The following TRAF5 variants were observed in gnomAD, a reference collection of about 807,000 sequenced individuals.
TRAF5 encodes TNF receptor associated factor 5.
A neutral mutation model predicts 64.5 loss-of-function variants in TRAF5; 48 were observed. The ratio of observed to expected loss-of-function variants is 0.74; its 90% confidence interval spans 0.59 to 0.95. TRAF5 has a LOEUF of 0.95. Among genes scored for constraint, TRAF5 ranks in the 40% least tolerant of loss-of-function variants. The pLI, the probability that TRAF5 is intolerant of heterozygous loss-of-function variation, is 0.00. For missense variants in TRAF5, 545 were observed against 662.8 expected, an observed-to-expected ratio of 0.82 and a Z score of 1.95; for synonymous variants, 206 against 240.5, an observed-to-expected ratio of 0.86 and a Z score of 1.33.
rs141195306 is a variant in TRAF5 at position 211,340,816 on chromosome 1, G to A, written c.-1-12423G>A. Among the ~76,000 whole-genome samples, 580 of 152,346 alleles carry A rather than the reference G, an allele frequency of 3.8e-3. 7 individuals are homozygous for A. Among genetic ancestry groups the A allele is most frequent in the African/African-American group, 0.013 (546 of 41,580 alleles). ...TGTTTCTCTGTTGGATTACCAATAA[G>A]TAGCGTGGGCTCCCAGAGCTGGCGG... On this transcript the variant is annotated intron_variant, in intron 1 of 10. Transcript: ENST00000261464.
rs1303430313 is a variant in TRAF5 at position 211,355,465 on chromosome 1, T to C, written c.277-902T>C. Among the ~76,000 whole-genome samples the C allele has an allele frequency of 2.0e-5, 3 of 152,174 alleles. No homozygotes were observed. The East Asian group carries it at 5.8e-4, about 29-fold the overall frequency. On this transcript the variant is annotated intron_variant, in intron 3 of 10. Transcript: ENST00000261464. ...CCTCTTTAAGTTCAGTTTTCTTCCT[T>C]TAAGATTCTGTTGCAGGATGTTCAA...
chr1:211,335,016 C>T (rs1297339843), intron 1 of TRAF5, among the ~76,000 whole-genome samples: 1 of 152,190 alleles, frequency 6.6e-6, no homozygotes, highest in Non-Finnish European at 1.5e-5. Context: ...CCATTTTCCT[C>T]ATTGGGAAAA....
Position 211,369,394 on chromosome 1 carries a change from A to C in TRAF5, c.790-58A>C, listed in dbSNP as rs1289835527. ...TAGCTGCAAGTGCATGCATATTTTA[A>C]CTATATGCATGCAGTTATATTCAGT... On this transcript the variant is annotated intron_variant, in intron 8 of 10. Transcript: ENST00000261464. 6 of 1,402,896 alleles carry C rather than the reference A, an allele frequency of 4.3e-6. No homozygotes were observed. The African/African-American group carries it at 5.9e-5, about 14-fold the overall frequency. 86.9% of individuals were successfully genotyped at this position (1,402,896 alleles called of 1,614,324 possible).
intron 1 of TRAF5, chr1:211,346,345 C>T (rs755286735): frequency 6.7e-5 from 66 of 985,276 alleles, no homozygotes; most frequent in Non-Finnish European, 6.9e-5. Flanking sequence ...TCTGCATTCT[C>T]AGGACCTAAC....
Position 211,365,374 on chromosome 1 carries a change from A to G in TRAF5, c.697-2A>G. ...TGACTTATTTTTCTCTTCATATTGA[A>G]GGATAAACGGAGGAACCTGCAGCAA... On this transcript the variant is annotated splice_acceptor_variant, in intron 7 of 10. Transcript: ENST00000261464. LOFTEE classifies it high-confidence loss of function. The G allele has an allele frequency of 6.2e-7, 1 of 1,612,356 alleles. No homozygotes were observed. The highest frequency in any genetic ancestry group is 8.5e-7 in the Non-Finnish European group (1 of 1,179,378).
chr1:211,342,323 C>CT (rs1171092564), intron 1 of TRAF5, among the ~76,000 whole-genome samples: 4 of 151,666 alleles, frequency 2.6e-5, no homozygotes, highest in South Asian at 4.2e-4. Flanking sequence ...ATATATTTTT[C>CT]TTTTTTTTGA....
intron 5 of TRAF5, 192 bp downstream of exon 5, chr1:211,360,268 A>G (rs921800622): frequency 2.2e-5 from 13 of 594,354 alleles, no homozygotes; most frequent in Non-Finnish European, 3.5e-5. Context: ...CACTCCATTT[A>G]TTATTGGCAA....
rs1251182502 is a variant in TRAF5, at chr1:211,373,093, A to G, written c.*391A>G. The G allele has an allele frequency of 6.2e-6, 1 of 160,496 alleles. No homozygotes were observed. The highest frequency in any genetic ancestry group is 1.4e-5 in the Non-Finnish European group (1 of 73,292). 9.9% of individuals were successfully genotyped at this position (160,496 alleles called of 1,614,324 possible). On this transcript the variant is annotated 3_prime_UTR_variant, in exon 11 of 11. Transcript: ENST00000261464. ...GTTTTGATATTTTATTGTTTGGCCT[A>G]TTGATTCTAGACCTGGCCTTAAGTC... is the stretch of plus-strand genomic sequence containing the variant.
intron 1 of TRAF5, among the ~76,000 whole-genome samples, chr1:211,327,462 C>A (rs568677534): frequency 1.3e-5 from 2 of 152,232 alleles, no homozygotes; most frequent in Non-Finnish European, 2.9e-5. Context: ...AGCTACCCCC[C>A]TCCCCCAGAA....
At chr1:211,337,362 A>G (rs1267426513) in intron 1 of TRAF5, among the ~76,000 whole-genome samples, 1 of 152,192 alleles carries the variant, frequency 6.6e-6, no homozygotes, top group Non-Finnish European at 1.5e-5. Context: ...TCTGCTGTTC[A>G]AGAAGACGCA....
rs79364735 is a variant in TRAF5, at chr1:211,350,007, G to T, written c.-1-3232G>T. Among the ~76,000 whole-genome samples, 945 of 152,274 alleles carry T rather than the reference G, an allele frequency of 6.2e-3. 9 individuals carry two copies. Among genetic ancestry groups the T allele is most frequent in the African/African-American group, 0.022 (896 of 41,560 alleles). On this transcript the variant is annotated intron_variant, in intron 1 of 10. Transcript: ENST00000261464. ...TCCAGTTCTCTGAGAGAAAGGTGGG[G>T]CTTGGTTATTAGGGCTGTGCATGTA...
intron 4 of TRAF5, chr1:211,357,807 G>A (rs1389799577): frequency 6.6e-6 from 1 of 152,150 alleles, no homozygotes; most frequent in Non-Finnish European, 1.5e-5. Flanking sequence ...TTTTTCTTCT[G>A]AGAAGGGATC....
intron 1 of TRAF5, among the ~76,000 whole-genome samples, chr1:211,334,794 C>T (rs932002310): frequency 6.6e-6 from 1 of 152,184 alleles, no homozygotes; most frequent in African/African-American, 2.4e-5. Flanking sequence ...GCCATCCTTG[C>T]GAGGAGAACT....
At chr1:211,331,759 G>A (rs1042895530) in intron 1 of TRAF5, among the ~76,000 whole-genome samples, 9 of 151,906 alleles carry the variant, frequency 5.9e-5, no homozygotes, top group African/African-American at 1.7e-4. Context: ...TCTGCCTCGC[G>A]GGTTCAAGTA....
intron 7 of TRAF5, 26 bp from the exon 8 acceptor site, chr1:211,365,350 G>T: frequency 6.2e-7 from 1 of 1,600,426 alleles, no homozygotes; most frequent in South Asian, 1.1e-5. Context: ...TCAGCAACCT[G>T]ACTTATTTTT....
At chr1:211,359,740 C>A in intron 4 of TRAF5, 172 bp from the exon 5 acceptor site, 1 of 647,016 alleles carries the variant, frequency 1.5e-6, no homozygotes, top group Non-Finnish European at 2.6e-6. Context: ...GCCCTCTCCT[C>A]AGCAGAGACA....
At chr1:211,368,199 G>C (rs1445826994) in intron 8 of TRAF5, among the ~76,000 whole-genome samples, 3 of 152,108 alleles carry the variant, frequency 2.0e-5, no homozygotes, top group Non-Finnish European at 4.4e-5. Flanking sequence ...GTTTGAGGCT[G>C]AAAGTGTAGC....
chr1:211,373,878 G>A lies in TRAF5; in HGVS notation c.*1176G>A, dbSNP rs143220164. The A allele has an allele frequency of 0.04, 6,101 of 152,204 alleles. 162 individuals carry two copies. Among genetic ancestry groups the A allele is most frequent in the Middle Eastern group, 0.13 (38 of 294 alleles). The allele number at this position is 152,204 out of a possible 1,614,324, so 9.4% of individuals were successfully genotyped here. ...CTCCTGAGTAGCTGGGATTACAGGC[G>A]CCCGTCACCACACCCAGGTAATTTT... On this transcript the variant is annotated 3_prime_UTR_variant, in exon 11 of 11. Coordinates refer to ENST00000261464, the MANE Select transcript of TRAF5 (RefSeq NM_001033910.3).
chr1:211,351,087 C>T lies in TRAF5; in HGVS notation c.-1-2152C>T, dbSNP rs574685550. ...TTGCTCTGACACTGGAGTGCAGTGG[C>T]GCCATCTCAGCTCACTGCAATCTCT... On this transcript the variant is annotated intron_variant, in intron 1 of 10. Coordinates refer to ENST00000261464, the MANE Select transcript of TRAF5 (RefSeq NM_001033910.3). Among the ~76,000 whole-genome samples the T allele has an allele frequency of 6.6e-4, 88 of 132,562 alleles. 1 individual carries two copies. Among genetic ancestry groups the T allele is most frequent in the African/African-American group, 2.1e-3 (75 of 35,502 alleles). The allele number at this position is 132,562 out of a possible 152,430, so 87.0% of individuals were successfully genotyped here.
Sources: gnomAD v4.1 joint callset for allele counts (sites outside exome capture counted in the v4.1 genomes callset) on GRCh38, gnomAD v4.1.1 for gene constraint, MANE v1.5 for transcripts, NCBI Gene and HGNC (gene_info 2026-07-23, HGNC 2026-07-21) for gene names.